Variants in COL25A1 observed in about 807,000 individuals in gnomAD.
COL25A1 encodes the protein collagen alpha-1(XXV) chain.
Under a neutral mutation model 128.4 loss-of-function variants are expected in COL25A1, and 103 were observed. The ratio of observed to expected loss-of-function variants is 0.80; its 90% CI spans 0.68 to 0.94. The LOEUF is 0.94. Ranked by LOEUF, COL25A1 falls within the 40% of genes least tolerant of loss-of-function variation. The probability of loss-of-function intolerance (pLI) is 0.00; values close to 1 mark genes in which losing one functional copy is unlikely to be tolerated. For synonymous variants in COL25A1, 279 were observed against 277.2 expected (o/e 1.01, Z -0.06); for missense variants, 745 against 840.0 (o/e 0.89, Z 1.40).
chr4:109,005,155 T>C (rs1254242875), intron 6 of COL25A1, among the ~76,000 whole-genome samples: 1 of 152,134 alleles, frequency 6.6e-6, no homozygotes, highest in African/African-American at 2.4e-5. Context: ...GAAGCTTCCT[T>C]GCCAATCATG....
intron 24 of COL25A1, among the ~76,000 whole-genome samples, chr4:108,855,187 T>C (rs1736328472): frequency 1.2e-5 from 1 of 80,100 alleles, no homozygotes; most frequent in Non-Finnish European, 2.5e-5. Flanking sequence ...GAGCTGTTGT[T>C]ACTGTTTTTT....
At chr4:108,841,833 AGC>A in intron 30 of COL25A1, 112 bp from the exon 31 acceptor site, 1 of 878,040 alleles carries the variant, frequency 1.1e-6, no homozygotes, top group Non-Finnish European at 1.9e-6. Context: ...TTCTTGTTTG[AGC>A]TATAGGTAGA....
In COL25A1 at chr4:109,190,822, T is replaced by TA. The variant is rs1261418435; in HGVS notation, c.367+109760dup. ...TCTCTATATAGGCCTGTGGATTTTATAGCTAACTAGCAAACTTGGGGACAC... is the reference window on the plus strand; with the variant it reads ...TCTCTATATAGGCCTGTGGATTTTATAAGCTAACTAGCAAACTTGGGGACAC... On this transcript the variant is annotated intron_variant, in intron 3 of 37. Coordinates refer to ENST00000399132, the MANE Select transcript of COL25A1 (RefSeq NM_198721.4). 2.0e-5 allele frequency among the ~76,000 whole-genome samples: 3 copies of TA among 152,322 alleles called. No homozygotes were observed. The East Asian group carries it at 5.8e-4, about 29-fold the overall frequency.
At position 108,832,379 on chromosome 4, in the gene COL25A1, C is replaced by T. The variant is rs376733604; in HGVS notation, c.1710+1G>A. 2.2e-5 allele frequency: 35 copies of T among 1,608,324 alleles called. No homozygotes were observed. Among genetic ancestry groups the T allele is most frequent in the African/African-American group, 4.0e-5 (3 of 74,622 alleles). On this transcript the variant is annotated splice_donor_variant, in intron 32 of 37. Coordinates refer to ENST00000399132, the MANE Select transcript of COL25A1 (RefSeq NM_198721.4). LOFTEE classifies it high-confidence loss of function. ...GCTTAATAACCTCAGCAACAACTTACTCTTTCTCCTTTGGGACCTGCAGGG... is the reference window on the plus strand; with the variant it reads ...GCTTAATAACCTCAGCAACAACTTATTCTTTCTCCTTTGGGACCTGCAGGG...
chr4:109,174,413 G>A lies in COL25A1; in HGVS notation c.368-124234C>T, dbSNP rs549028793. ...AGACACAGCTCCTGCTTATTCCTGA[G>A]TAGCACGTTTCAGTTCCCCACCAAT... On this transcript the variant is annotated intron_variant, in intron 3 of 37. Coordinates refer to ENST00000399132, the MANE Select transcript of COL25A1 (RefSeq NM_198721.4). 1.6e-3 allele frequency among the ~76,000 whole-genome samples: 249 copies of A among 152,240 alleles called. 1 individual carries two copies. Among genetic ancestry groups the A allele is most frequent in the African/African-American group, 5.7e-3 (235 of 41,550 alleles).
intron 3 of COL25A1, among the ~76,000 whole-genome samples, chr4:109,064,293 T>C (rs1411380863): frequency 6.6e-6 from 1 of 152,218 alleles, no homozygotes; most frequent in Non-Finnish European, 1.5e-5. Context: ...TTTAACACGA[T>C]ATGCACAGAC....
At chr4:108,930,024 A>T (rs1746536809) in intron 11 of COL25A1, among the ~76,000 whole-genome samples, 1 of 152,150 alleles carries the variant, frequency 6.6e-6, no homozygotes, top group Non-Finnish European at 1.5e-5. Context: ...TTATTATTAA[A>T]CACACTAAGT....
chr4:109,231,322 C>T (rs750355761), intron 3 of COL25A1, among the ~76,000 whole-genome samples: 1 of 152,034 alleles, frequency 6.6e-6, no homozygotes, highest in Non-Finnish European at 1.5e-5. Context: ...TGTTACATGA[C>T]AAACTAATCT....
At position 109,164,126 on chromosome 4, in the gene COL25A1, G is replaced by A. The variant is rs1022937967; in HGVS notation, c.368-113947C>T. ...TTGCTTTTTCTCTTGGGCACACAATGGAATGCAGGCAGAAGTGGGCCTGGC... is the reference window on the plus strand; with the variant it reads ...TTGCTTTTTCTCTTGGGCACACAATAGAATGCAGGCAGAAGTGGGCCTGGC... On this transcript the variant is annotated intron_variant, in intron 3 of 37. Coordinates refer to ENST00000399132, the MANE Select transcript of COL25A1 (RefSeq NM_198721.4). Among the ~76,000 whole-genome samples, 6 of 152,128 alleles carry A rather than the reference G, an allele frequency of 3.9e-5. No homozygotes were observed. The South Asian group carries it at 1.2e-3, about 32-fold the overall frequency.
intron 3 of COL25A1, among the ~76,000 whole-genome samples, chr4:109,297,745 A>T (rs1418800413): frequency 6.6e-6 from 1 of 152,014 alleles, no homozygotes; most frequent in Non-Finnish European, 1.5e-5. Context: ...GCTAAGTAGC[A>T]TATAATATAC....
chr4:109,287,479 T>A (rs1220053005), intron 3 of COL25A1, among the ~76,000 whole-genome samples: 1 of 152,174 alleles, frequency 6.6e-6, no homozygotes, highest in Non-Finnish European at 1.5e-5. Flanking sequence ...TCAGTTACCA[T>A]CCACAATATA....
Position 108,886,469 on chromosome 4 carries a change from TG to T in COL25A1, c.976-2248del, listed in dbSNP as rs1560806124. On this transcript the variant is annotated intron_variant, in intron 18 of 37. Transcript: ENST00000399132. The stretch of plus-strand genomic sequence containing the variant: ...GTGTGTGTGTGTGTGTGTGTGTGTG[TG>T]TGTGTGTGTGTGTGTGTGTGTGTTT... Among the ~76,000 whole-genome samples, 185 of 122,912 alleles carry T rather than the reference TG, an allele frequency of 1.5e-3. 2 individuals are homozygous for T. The highest frequency in any genetic ancestry group is 5.0e-3 in the African/African-American group (179 of 36,152). 80.6% of individuals were successfully genotyped at this position (122,912 alleles called of 152,430 possible).
chr4:109,218,359 T>TGG, intron 3 of COL25A1, among the ~76,000 whole-genome samples: 1 of 112,232 alleles, frequency 8.9e-6, no homozygotes, highest in African/African-American at 4.7e-5. Flanking sequence ...TTTTTGGGGT[T>TGG]TTTTTTTTTT....
chr4:108,978,751 AAACTTTG>A (rs1299807654), intron 6 of COL25A1, among the ~76,000 whole-genome samples: 3 of 152,200 alleles, frequency 2.0e-5, no homozygotes, highest in Non-Finnish European at 4.4e-5. Flanking sequence ...TTTGAAGATA[AAACTTTG>A]TTGCTCCAAC....
chr4:109,072,224 T>C (rs540382986), intron 3 of COL25A1, among the ~76,000 whole-genome samples: 11 of 152,194 alleles, frequency 7.2e-5, no homozygotes, highest in Non-Finnish European at 1.5e-4. Context: ...TATATAATAC[T>C]TTGAGTCTCC....
intron 5 of COL25A1, among the ~76,000 whole-genome samples, chr4:109,032,908 G>A (rs935062920): frequency 2.6e-5 from 4 of 152,286 alleles, no homozygotes; most frequent in Non-Finnish European, 5.9e-5. Flanking sequence ...ATGGGTCTGC[G>A]TCCCGCCTGG....
chr4:109,000,035 T>C (rs1755192884), intron 6 of COL25A1, among the ~76,000 whole-genome samples: 1 of 151,914 alleles, frequency 6.6e-6, no homozygotes, highest in East Asian at 1.9e-4. Flanking sequence ...TTGATGAGTA[T>C]ATCAAACTAA....
intron 3 of COL25A1, among the ~76,000 whole-genome samples, chr4:109,259,376 C>T (rs1025808242): frequency 6.6e-6 from 1 of 152,144 alleles, no homozygotes; most frequent in Non-Finnish European, 1.5e-5. Flanking sequence ...CAAACTGTCA[C>T]CTGTTTTTTC....
chr4:108,860,874 C>G lies in COL25A1; in HGVS notation c.1242+53G>C, dbSNP rs1737122439. Reference sequence around the variant, plus strand: ...ATGAATAGCCATGCAGACATGAATTCAAATCTGGGATTGTAGGGAGCAAAA... The same window carrying G: ...ATGAATAGCCATGCAGACATGAATTGAAATCTGGGATTGTAGGGAGCAAAA... On this transcript the variant is annotated intron_variant, in intron 23 of 37. Coordinates refer to ENST00000399132, the MANE Select transcript of COL25A1 (RefSeq NM_198721.4). The G allele has an allele frequency of 2.0e-6, 3 of 1,492,150 alleles. No homozygotes were observed. In the East Asian group the frequency reaches 6.8e-5, roughly 34 times the overall value. The allele number at this position is 1,492,150 out of a possible 1,614,324, so 92.4% of individuals were successfully genotyped here. A position where few individuals can be genotyped will look rare whatever the true frequency, so the allele number is the denominator to read the frequency against.
Sources: allele counts gnomAD v4.1 joint callset (sites outside exome capture counted in the v4.1 genomes callset), GRCh38; gene constraint gnomAD v4.1.1; transcripts MANE v1.5; gene names NCBI Gene and HGNC (gene_info 2026-07-23, HGNC 2026-07-21).